Variants in FBXO15 observed in about 807,000 individuals in gnomAD.
The protein encoded by FBXO15 is F-box protein 15, also known as F-box only protein 15.
Under a neutral mutation model 49.5 loss-of-function variants are expected in FBXO15, and 30 were observed. That is an observed-to-expected ratio of 0.61 (90% CI 0.45 to 0.82). The LOEUF is 0.82. Ranked by LOEUF, FBXO15 falls within the 40% of genes least tolerant of loss-of-function variation. The pLI, the probability that FBXO15 is intolerant of heterozygous loss-of-function variation, is 0.00. For synonymous variants in FBXO15, 250 were observed against 232.7 expected, an observed-to-expected ratio of 1.07 and a Z score of -0.68; for missense variants, 591 against 631.5, an observed-to-expected ratio of 0.94 and a Z score of 0.69.
chr18:74,103,818 C>A (rs1421896639), intron 8 of FBXO15, among the ~76,000 whole-genome samples: 2 of 152,140 alleles, frequency 1.3e-5, no homozygotes, highest in East Asian at 3.8e-4. Context: ...ATCTCCCACA[C>A]AAACAAAAGC....
intron 1 of FBXO15, among the ~76,000 whole-genome samples, chr18:74,142,559 A>G (rs1979147902): frequency 6.6e-6 from 1 of 152,120 alleles, no homozygotes; most frequent in Admixed American, 6.5e-5. Flanking sequence ...GGTGGTTGCC[A>G]GAAATCCTTG....
chr18:74,093,799 TC>T (rs1188739726), intron 8 of FBXO15, among the ~76,000 whole-genome samples: 1 of 152,202 alleles, frequency 6.6e-6, no homozygotes. Context: ...TTTGACCTCC[TC>T]CCTTGAATCA....
rs9960631 is a variant in FBXO15 at position 74,101,288 on chromosome 18, C to T, written c.1139-19237G>A. 9.4e-4 allele frequency among the ~76,000 whole-genome samples: 143 copies of T among 152,212 alleles called. 1 individual carries two copies. Among genetic ancestry groups the T allele is most frequent in the African/African-American group, 3.2e-3 (131 of 41,534 alleles). On this transcript the variant is annotated intron_variant, in intron 8 of 9. Transcript: ENST00000419743. ...CAATAAATGTGATACACCACATAAA[C>T]AGAATTACAAACAAAAATCACATGA...
At position 74,075,602 on chromosome 18, in the gene FBXO15, CA is replaced by C. The variant is rs1332846932; in HGVS notation, c.1264-1873del. Among the ~76,000 whole-genome samples the C allele has an allele frequency of 1.3e-5, 2 of 152,230 alleles. No homozygotes were observed. The highest frequency in any genetic ancestry group is 4.8e-5 in the African/African-American group (2 of 41,466). ...TGTCCATTAATACCCATTCACTCAT[CA>C]AACCACTCTGGCCTGGTATCCTTTT... is the stretch of plus-strand genomic sequence containing the variant. On this transcript the variant is annotated intron_variant, in intron 9 of 9. Transcript: ENST00000419743. The surrounding 1 kb of genome is among the most constrained non-coding windows in gnomAD (Gnocchi z 4.1).
chr18:74,101,774 A>T (rs1404678977), intron 8 of FBXO15, among the ~76,000 whole-genome samples: 1 of 152,222 alleles, frequency 6.6e-6, no homozygotes, highest in Non-Finnish European at 1.5e-5. Context: ...AGGCACATAG[A>T]CCAGTGGAAC....
chr18:74,108,044 A>T (rs769355528), intron 8 of FBXO15, among the ~76,000 whole-genome samples: 32 of 152,186 alleles, frequency 2.1e-4, no homozygotes, highest in Non-Finnish European at 4.1e-4. Flanking sequence ...CCAAAGGACT[A>T]GAGAATGCTT....
At chr18:74,085,799 C>T (rs761395015) in intron 8 of FBXO15, among the ~76,000 whole-genome samples, 1 of 152,158 alleles carries the variant, frequency 6.6e-6, no homozygotes, top group Non-Finnish European at 1.5e-5. Context: ...ACACAAAACA[C>T]AGATAACAAA....
At chr18:74,133,823 G>A (rs868312856) in intron 3 of FBXO15, among the ~76,000 whole-genome samples, 1 of 152,244 alleles carries the variant, frequency 6.6e-6, no homozygotes, top group South Asian at 2.1e-4. Flanking sequence ...AGGGAGGTCT[G>A]CCAGGCTCTT....
chr18:74,139,678 T>C (rs1978944594), intron 2 of FBXO15, among the ~76,000 whole-genome samples: 1 of 152,350 alleles, frequency 6.6e-6, no homozygotes, highest in African/African-American at 2.4e-5. Flanking sequence ...AGGCTCCCCA[T>C]GAGGCTTAGC....
intron 3 of FBXO15, among the ~76,000 whole-genome samples, chr18:74,135,499 T>C (rs1978661739): frequency 6.6e-6 from 1 of 152,230 alleles, no homozygotes; most frequent in Non-Finnish European, 1.5e-5. Flanking sequence ...GAAGACCTCC[T>C]GGCAACAGAC....
chr18:74,082,889 T>C (rs1380181157), intron 8 of FBXO15, among the ~76,000 whole-genome samples: 1 of 152,124 alleles, frequency 6.6e-6, no homozygotes, highest in Non-Finnish European at 1.5e-5. Flanking sequence ...AGAAAAATCA[T>C]GGAAAAGAGC....
intron 8 of FBXO15, among the ~76,000 whole-genome samples, chr18:74,094,165 T>G (rs768870859): frequency 6.6e-6 from 1 of 152,250 alleles, no homozygotes; most frequent in Non-Finnish European, 1.5e-5. Context: ...TCTAGATATG[T>G]ATCTCTGCCA....
In FBXO15 at chr18:74,074,652, T is replaced by C. The variant is rs1332970445; in HGVS notation, c.1264-922A>G. On this transcript the variant is annotated intron_variant, in intron 9 of 9. Coordinates refer to ENST00000419743, the MANE Select transcript of FBXO15 (RefSeq NM_001142958.2). This position sits in a 1 kb window ranked among gnomAD's most constrained non-coding sequence, Gnocchi z 4.7. ...CACCCTGCAAGCCATGACCTATTAA[T>C]GTATCCTGAAGTAAATTTAGCAGGA... Among the ~76,000 whole-genome samples, 1 of 152,234 alleles carries C rather than the reference T, an allele frequency of 6.6e-6. No individual in the cohort carries two copies. Among genetic ancestry groups the C allele is most frequent in the African/African-American group, 2.4e-5 (1 of 41,470 alleles).
At chr18:74,121,685 T>C (rs1177578221) in intron 8 of FBXO15, among the ~76,000 whole-genome samples, 2 of 152,108 alleles carry the variant, frequency 1.3e-5, no homozygotes, top group Non-Finnish European at 2.9e-5. Context: ...ACCGACCAAG[T>C]AACTTCAAAA....
intron 9 of FBXO15, among the ~76,000 whole-genome samples, chr18:74,077,228 G>A (rs1912291477): frequency 6.6e-6 from 1 of 152,222 alleles, no homozygotes; most frequent in Non-Finnish European, 1.5e-5. Context: ...GAATGAATGA[G>A]TGTGATAAAA....
At chr18:74,098,080 T>G in intron 8 of FBXO15, 1 of 152,244 alleles carries the variant, frequency 6.6e-6, no homozygotes, top group Non-Finnish European at 1.5e-5. Flanking sequence ...CAGAGAGTAC[T>G]ACATCAAGAG....
chr18:74,125,938 G>A (rs1189651759), intron 6 of FBXO15, 37 bp downstream of exon 6: 3 of 1,608,490 alleles, frequency 1.9e-6, no homozygotes, highest in African/African-American at 2.7e-5. Flanking sequence ...ATTGTGATGG[G>A]GAAATGACAC....
intron 8 of FBXO15, among the ~76,000 whole-genome samples, chr18:74,086,202 C>T (rs1912729899): frequency 6.6e-6 from 1 of 151,852 alleles, no homozygotes; most frequent in Admixed American, 6.6e-5. Flanking sequence ...CGAAAAGTCA[C>T]CTATTTTTGG....
intron 8 of FBXO15, 148 bp from the exon 9 acceptor site, chr18:74,082,199 C>G: frequency 1.6e-6 from 1 of 638,256 alleles, no homozygotes; most frequent in Non-Finnish European, 2.5e-6. Flanking sequence ...CAATCCCAGC[C>G]TCTGGCTTGA....
Sources: gnomAD v4.1 joint callset for allele counts (sites outside exome capture counted in the v4.1 genomes callset) on GRCh38, gnomAD v4.1.1 for gene constraint, Gnocchi (gnomAD v3.1) non-coding constraint, MANE v1.5 for transcripts, NCBI Gene and HGNC (gene_info 2026-07-23, HGNC 2026-07-21) for gene names.